ZNF267: variants seen among roughly 807,000 people sequenced by gnomAD.
ZNF267 encodes the protein zinc finger protein 267.
In ZNF267, 61 loss-of-function variants were observed where a neutral mutation model predicts 71.6. That is an observed-to-expected ratio of 0.85 (90% CI 0.69 to 1.05). The LOEUF is 1.05. Among genes scored for constraint, ZNF267 ranks in the 50% least tolerant of loss-of-function variants. The pLI is 0.00. For missense variants in ZNF267, 852 were observed against 870.0 expected, an observed-to-expected ratio of 0.98 and a Z score of 0.26; for synonymous variants, 288 against 293.2, an observed-to-expected ratio of 0.98 and a Z score of 0.18.
At position 31,916,065 on chromosome 16, in the gene ZNF267, T is replaced by A; in HGVS notation, c.1816T>A (p.Cys606Ser). ...TCATACTGGAGAGAAACCCTATACA[T>A]GTAAAGAATGTGGCAAAGCCTTTAG... ...RTHTGEKPYT[C>S]KECGKAFSYS... Residue 606 changes from cysteine (C) to serine (S), a missense_variant, in exon 4 of 4, where the codon TGT becomes AGT. Coordinates refer to ENST00000300870, the MANE Select transcript of ZNF267 (RefSeq NM_003414.6). 6.2e-7 allele frequency: 1 copy of A among 1,614,130 alleles called. No individual in the cohort carries two copies. Among genetic ancestry groups the A allele is most frequent in the Non-Finnish European group, 8.5e-7 (1 of 1,180,010 alleles).
intron 1 of ZNF267, among the ~76,000 whole-genome samples, chr16:31,878,085 T>C (rs933526634): frequency 6.6e-6 from 1 of 152,142 alleles, no homozygotes; most frequent in Non-Finnish European, 1.5e-5. Context: ...CTGCGCTGAC[T>C]CTGCGTGGTG....
At chr16:31,895,004 G>C in intron 3 of ZNF267, 2 of 317,260 alleles carry the variant, frequency 6.3e-6, no homozygotes, top group South Asian at 6.5e-5. Context: ...ATATGAAACT[G>C]CGTCTGGCTG....
intron 1 of ZNF267, chr16:31,875,419 C>A: frequency 2.1e-6 from 2 of 959,666 alleles, no homozygotes; most frequent in Non-Finnish European, 2.7e-6. Flanking sequence ...TTTATTTCTT[C>A]AAAGCTAGTT....
intron 3 of ZNF267, among the ~76,000 whole-genome samples, chr16:31,904,843 T>TAAC (rs1279018884): frequency 1.3e-5 from 2 of 152,210 alleles, no homozygotes; most frequent in African/African-American, 4.8e-5. Context: ...GTTAGCTGGT[T>TAAC]ATTTTGCTCA....
chr16:31,909,732 AATTT>A (rs1879772192), intron 3 of ZNF267, among the ~76,000 whole-genome samples: 3 of 152,128 alleles, frequency 2.0e-5, no homozygotes, highest in Non-Finnish European at 4.4e-5. Context: ...CTTCCTTTCC[AATTT>A]GGATGCCATT....
chr16:31,915,664 C>T lies in ZNF267; in HGVS notation c.1415C>T (p.Ser472Phe). 6.2e-7 allele frequency: 1 copy of T among 1,613,870 alleles called. No individual in the cohort carries two copies. The highest frequency in any genetic ancestry group is 1.1e-5 in the South Asian group (1 of 91,052). ...TACAAATGTAAAGTATGTAGCAAAT[C>T]TTATGCTCGTTCTTCAAATCTTATT... is the stretch of plus-strand genomic sequence containing the variant. Reference protein sequence around the residue: ...KLYKCKVCSKSYARSSNLIMH... With the variant: ...KLYKCKVCSKFYARSSNLIMH... The change falls in exon 4 of 4, where the codon TCT becomes TTT. Residue 472 changes from serine to phenylalanine, a missense_variant. Physicochemically the swap from Ser to Phe is radical, Grantham distance 155 (BLOSUM62 -2). Transcript: ENST00000300870.
chr16:31,907,348 A>C (rs2084099573), intron 3 of ZNF267, among the ~76,000 whole-genome samples: 1 of 152,110 alleles, frequency 6.6e-6, no homozygotes. Context: ...TAGGTTTACT[A>C]GGCTCTTTTT....
At chr16:31,891,628 G>A (rs1476409496) in intron 3 of ZNF267, among the ~76,000 whole-genome samples, 1 of 152,134 alleles carries the variant, frequency 6.6e-6, no homozygotes, top group Non-Finnish European at 1.5e-5. Context: ...GAGATCTGAT[G>A]GTTTTATAAA....
intron 3 of ZNF267, among the ~76,000 whole-genome samples, chr16:31,892,490 A>G (rs2083967154): frequency 6.6e-6 from 1 of 152,128 alleles, no homozygotes; most frequent in South Asian, 2.1e-4. Context: ...TAGTCCCCCA[A>G]AGTCCTAACT....
chr16:31,884,464 C>G, intron 1 of ZNF267, 34 bp from the exon 2 acceptor site: 2 of 1,613,460 alleles, frequency 1.2e-6, no homozygotes, highest in Non-Finnish European at 1.7e-6. Flanking sequence ...CTGCCATGGC[C>G]ACATGGTCAG....
chr16:31,875,930 T>TC (rs1376461149), intron 1 of ZNF267, among the ~76,000 whole-genome samples: 1 of 152,248 alleles, frequency 6.6e-6, no homozygotes, highest in Non-Finnish European at 1.5e-5. Flanking sequence ...ATCTTTTTTT[T>TC]CAGCAGAATG....
In ZNF267 at chr16:31,877,787, A is replaced by C. The variant is rs143242902; in HGVS notation, c.3+3818A>C. On this transcript the variant is annotated intron_variant, in intron 1 of 3. Coordinates refer to ENST00000300870, the MANE Select transcript of ZNF267 (RefSeq NM_003414.6). The stretch of plus-strand genomic sequence containing the variant: ...GGGATTTCTTTAATCACAGCTATTT[A>C]CCAGGTTACTGTTCCTATTTTTTCC... Among the ~76,000 whole-genome samples the C allele has an allele frequency of 1.5e-3, 234 of 152,152 alleles. 5 individuals carry two copies. In the East Asian group the frequency reaches 0.037, roughly 24 times the overall value.
chr16:31,915,934 A>G lies in ZNF267; in HGVS notation c.1685A>G (p.His562Arg). 6.2e-7 allele frequency: 1 copy of G among 1,613,976 alleles called. No homozygotes were observed. The highest frequency in any genetic ancestry group is 8.5e-7 in the Non-Finnish European group (1 of 1,179,996). ...ECGKAFPYSSHLIRHHRIHTG... is the reference protein window; with the variant it reads ...ECGKAFPYSSRLIRHHRIHTG... ...GGCAAAGCCTTTCCTTATAGTTCAC[A>G]CCTTATTCGACATCATCGAATTCAT... is the stretch of plus-strand genomic sequence containing the variant. Residue 562 changes from histidine to arginine, a missense_variant, in exon 4 of 4, where the codon CAC becomes CGC. By Grantham distance (29) the His-to-Arg change is conservative. Transcript: ENST00000300870.
chr16:31,907,507 C>A (rs530574992), intron 3 of ZNF267, among the ~76,000 whole-genome samples: 2 of 152,280 alleles, frequency 1.3e-5, no homozygotes, highest in Admixed American at 1.3e-4. Flanking sequence ...ATTTTTACCT[C>A]CACACTTTGT....
chr16:31,903,356 A>G (rs1325630857), intron 3 of ZNF267, among the ~76,000 whole-genome samples: 1 of 152,214 alleles, frequency 6.6e-6, no homozygotes, highest in East Asian at 1.9e-4. Flanking sequence ...TAGTTTCAGA[A>G]GGAACGGTAG....
intron 3 of ZNF267, among the ~76,000 whole-genome samples, chr16:31,891,372 C>T (rs1475617477): frequency 2.0e-5 from 3 of 152,088 alleles, no homozygotes; most frequent in African/African-American, 4.8e-5. Flanking sequence ...TGTACACTAA[C>T]GTTATGGTAT....
rs138203517 is a variant in ZNF267, at chr16:31,894,692, G to T, written c.226+9436G>T. 3 of 477,928 alleles carry T rather than the reference G, an allele frequency of 6.3e-6. No individual in the cohort carries two copies. The East Asian group carries it at 1.7e-4, about 26-fold the overall frequency. The allele number at this position is 477,928 out of a possible 1,614,324, so 29.6% of individuals were successfully genotyped here. On this transcript the variant is annotated intron_variant, in intron 3 of 3. Coordinates refer to ENST00000300870, the MANE Select transcript of ZNF267 (RefSeq NM_003414.6). ...TTCATCACTGTCATCCTGAGATACCGCTCATGCCTGGAGACAGGGCATTCC... is the reference window on the plus strand; with the variant it reads ...TTCATCACTGTCATCCTGAGATACCTCTCATGCCTGGAGACAGGGCATTCC...
chr16:31,877,432 G>T (rs898732266), intron 1 of ZNF267, among the ~76,000 whole-genome samples: 5 of 152,120 alleles, frequency 3.3e-5, no homozygotes, highest in African/African-American at 1.2e-4. Context: ...AGCTCAGAAG[G>T]TAGGAGGGGA....
rs1371262670 is a variant in ZNF267, at chr16:31,914,672, A to G, written c.423A>G (p.Glu141=). ...EKTFKYDQFD[E]SSVESLFHQQ... ...CTTTTAAATATGATCAATTTGATGA[A>G]TCCTCTGTTGAAAGTTTGTTTCACC... The change falls in exon 4 of 4, where the codon GAA becomes GAG. Residue 141 remains glutamate (E), a synonymous_variant. Coordinates refer to ENST00000300870, the MANE Select transcript of ZNF267 (RefSeq NM_003414.6). 4 of 1,614,054 alleles carry G rather than the reference A, an allele frequency of 2.5e-6. No individual in the cohort carries two copies. Among genetic ancestry groups the G allele is most frequent in the Non-Finnish European group, 3.4e-6 (4 of 1,179,992 alleles).
Sources: allele counts gnomAD v4.1 joint callset (sites outside exome capture counted in the v4.1 genomes callset), GRCh38; gene constraint gnomAD v4.1.1; transcripts MANE v1.5; gene names NCBI Gene and HGNC (gene_info 2026-07-23, HGNC 2026-07-21).